The following WWTR1 variants were observed in gnomAD, a reference collection of about 807,000 sequenced individuals.
WWTR1 encodes WW domain containing transcription regulator 1, also known as WW domain-containing transcription regulator protein 1.
In WWTR1, 13 loss-of-function variants were observed where a neutral mutation model predicts 40.1. That is an observed-to-expected ratio of 0.32 (90% CI 0.21 to 0.52). The LOEUF is 0.52. Among genes scored for constraint, WWTR1 ranks in the 20% least tolerant of loss-of-function variants. The pLI is 0.97. For missense variants in WWTR1, 436 were observed against 523.1 expected, an observed-to-expected ratio of 0.83 and a Z score of 1.63; for synonymous variants, 230 against 210.1, an observed-to-expected ratio of 1.09 and a Z score of -0.82.
chr3:149,701,141 T>C (rs999817486), intron 1 of WWTR1, among the ~76,000 whole-genome samples: 2 of 152,244 alleles, frequency 1.3e-5, no homozygotes, highest in African/African-American at 2.4e-5. Flanking sequence ...CCTTTCTTTT[T>C]TTTTCTTTTC....
At chr3:149,570,445 C>T (rs1737563117) in intron 3 of WWTR1, among the ~76,000 whole-genome samples, 1 of 151,990 alleles carries the variant, frequency 6.6e-6, no homozygotes, top group East Asian at 1.9e-4. Context: ...GATACATGCA[C>T]ATAGTCCCAG....
At chr3:149,572,575 A>C (rs546684509) in intron 3 of WWTR1, among the ~76,000 whole-genome samples, 44 of 152,284 alleles carry the variant, frequency 2.9e-4, no homozygotes, top group Non-Finnish European at 5.9e-4. Context: ...TATTGCAGCC[A>C]AGAAGAAGGA....
At chr3:149,548,259 C>T (rs1296911444) in intron 3 of WWTR1, among the ~76,000 whole-genome samples, 2 of 152,098 alleles carry the variant, frequency 1.3e-5, no homozygotes, top group Non-Finnish European at 2.9e-5. Flanking sequence ...TGAACTTTTG[C>T]CTTTTGCAAC....
At chr3:149,594,385 T>TA (rs555562670) in intron 2 of WWTR1, among the ~76,000 whole-genome samples, 5 of 152,246 alleles carry the variant, frequency 3.3e-5, no homozygotes, top group Admixed American at 2.0e-4. Flanking sequence ...CAAGCCGATG[T>TA]AAAAAAACAC....
At chr3:149,552,242 T>C (rs1736644276) in intron 3 of WWTR1, among the ~76,000 whole-genome samples, 1 of 140,180 alleles carries the variant, frequency 7.1e-6, no homozygotes. Flanking sequence ...TCAGGACCAA[T>C]CACAATGATA....
chr3:149,667,860 C>T (rs559126210), intron 2 of WWTR1, among the ~76,000 whole-genome samples: 68 of 152,282 alleles, frequency 4.5e-4, no homozygotes, highest in African/African-American at 1.5e-3. Context: ...CCATCTGTTT[C>T]ACCAGAGGGA....
At chr3:149,690,324 G>A (rs576238993) in intron 1 of WWTR1, among the ~76,000 whole-genome samples, 2 of 152,084 alleles carry the variant, frequency 1.3e-5, no homozygotes, top group South Asian at 4.2e-4. Flanking sequence ...GACATAGAGT[G>A]GCTGAATGGA....
chr3:149,631,534 C>T (rs1385380344), intron 2 of WWTR1, among the ~76,000 whole-genome samples: 2 of 152,174 alleles, frequency 1.3e-5, no homozygotes, highest in African/African-American at 2.4e-5. Flanking sequence ...TATTCAATAA[C>T]CATAAGCAAG....
intron 2 of WWTR1, among the ~76,000 whole-genome samples, chr3:149,623,551 A>G (rs1371125195): frequency 6.6e-6 from 1 of 152,132 alleles, no homozygotes; most frequent in Non-Finnish European, 1.5e-5. Flanking sequence ...AGTTTGCAAT[A>G]TATGTTGTCT....
intron 5 of WWTR1, 118 bp downstream of exon 5, chr3:149,527,718 A>T: frequency 1.4e-6 from 2 of 1,422,548 alleles, no homozygotes; most frequent in Non-Finnish European, 1.9e-6. Context: ...TCCTCCCTTT[A>T]TTCTCACCCT....
intron 2 of WWTR1, among the ~76,000 whole-genome samples, chr3:149,608,757 G>T (rs1211117939): frequency 6.6e-6 from 1 of 151,838 alleles, no homozygotes; most frequent in Non-Finnish European, 1.5e-5. Flanking sequence ...GTGATAAAGG[G>T]TCTAAAACGT....
Position 149,542,498 on chromosome 3 carries a change from G to C in WWTR1, c.608C>G (p.Thr203Ser), listed in dbSNP as rs776484817. 10 of 1,613,452 alleles carry C rather than the reference G, an allele frequency of 6.2e-6. No homozygotes were observed. Among genetic ancestry groups the C allele is most frequent in the Non-Finnish European group, 6.8e-6 (8 of 1,179,604 alleles). Residue 203 changes from threonine (T) to serine (S), a missense_variant, in exon 4 of 7, where the codon ACC (threonine) becomes AGC (serine). Thr to Ser is a moderately conservative substitution (Grantham distance 58). Coordinates refer to ENST00000360632, the MANE Select transcript of WWTR1 (RefSeq NM_015472.6). ...HQHQQQMAPSTLSQQNHPTQN... is the reference protein window; with the variant it reads ...HQHQQQMAPSSLSQQNHPTQN... ...AGTGGGGTGGTTCTGCTGGCTCAGGGTACTGGGGGCCATCTGCTGCTGGTG... is the reference window on the plus strand; with the variant it reads ...AGTGGGGTGGTTCTGCTGGCTCAGGCTACTGGGGGCCATCTGCTGCTGGTG...
rs535500670 is a variant in WWTR1 at position 149,619,638 on chromosome 3, A to C, written c.431+37238T>G. Among the ~76,000 whole-genome samples the C allele has an allele frequency of 2.0e-5, 3 of 152,162 alleles. No individual in the cohort carries two copies. The South Asian group carries it at 6.2e-4, about 32-fold the overall frequency. Reference sequence around the variant, plus strand: ...ATCCTGTCACCAAAAACAAACAAACAAACAGGTATATAGCACTGGTTGATG... The same window carrying C: ...ATCCTGTCACCAAAAACAAACAAACCAACAGGTATATAGCACTGGTTGATG... On this transcript the variant is annotated intron_variant, in intron 2 of 6. Coordinates refer to ENST00000360632, the MANE Select transcript of WWTR1 (RefSeq NM_015472.6).
At chr3:149,632,335 G>A (rs765133783) in intron 2 of WWTR1, among the ~76,000 whole-genome samples, 10 of 152,170 alleles carry the variant, frequency 6.6e-5, no homozygotes, top group Admixed American at 1.3e-4. Flanking sequence ...TAAGGAAACA[G>A]GCAAGGTAGT....
At chr3:149,616,100 G>A (rs530745216) in intron 2 of WWTR1, among the ~76,000 whole-genome samples, 1 of 152,218 alleles carries the variant, frequency 6.6e-6, no homozygotes, top group South Asian at 2.1e-4. Flanking sequence ...GTTCAAATAA[G>A]CATAAACATC....
At chr3:149,557,318 C>T (rs1385700728) in intron 3 of WWTR1, among the ~76,000 whole-genome samples, 2 of 152,054 alleles carry the variant, frequency 1.3e-5, no homozygotes, top group Non-Finnish European at 2.9e-5. Context: ...CTGATCCGCC[C>T]GCCTGGGCCT....
At chr3:149,681,461 G>A (rs1371197246) in intron 1 of WWTR1, among the ~76,000 whole-genome samples, 1 of 152,044 alleles carries the variant, frequency 6.6e-6, no homozygotes, top group Non-Finnish European at 1.5e-5. Context: ...TATACCTATT[G>A]GCCATCTGTA....
chr3:149,702,186 A>G (rs932275901), intron 1 of WWTR1: 4 of 155,184 alleles, frequency 2.6e-5, no homozygotes, highest in African/African-American at 7.2e-5. Flanking sequence ...AGCAGTCATC[A>G]GTCATATTTG....
At chr3:149,558,169 C>T (rs1576558365) in intron 3 of WWTR1, among the ~76,000 whole-genome samples, 1 of 152,088 alleles carries the variant, frequency 6.6e-6, no homozygotes, top group South Asian at 2.1e-4. Flanking sequence ...GTACACCTGC[C>T]AGTCTAGGAC....
Sources: allele counts gnomAD v4.1 joint callset (sites outside exome capture counted in the v4.1 genomes callset), GRCh38; gene constraint gnomAD v4.1.1; transcripts MANE v1.5; gene names NCBI Gene and HGNC (gene_info 2026-07-23, HGNC 2026-07-21).